ADGRG1: variants seen among roughly 807,000 people sequenced by gnomAD.
ADGRG1 encodes adhesion G protein-coupled receptor G1.
ADGRG1 carries 53 observed loss-of-function variants against 73.5 expected under a neutral mutation model. That is an observed-to-expected ratio of 0.72 (90% CI 0.58 to 0.91). The LOEUF is 0.91. Among genes scored for constraint, ADGRG1 ranks in the 40% least tolerant of loss-of-function variants. ADGRG1 has a pLI of 0.00. For missense variants in ADGRG1, 795 were observed against 871.8 expected (o/e 0.91, Z 1.11); for synonymous variants, 394 against 374.4 (o/e 1.05, Z -0.60).
chr16:57,640,834 G>C, intron 1 of ADGRG1: 1 of 956,964 alleles, frequency 1.0e-6, no homozygotes, highest in African/African-American at 1.8e-5. Context: ...AGTGTCCTGC[G>C]CTCCAAAGAT....
Position 57,653,288 on chromosome 16 carries a change from G to A in ADGRG1, c.573G>A (p.Lys191=). 1 of 1,612,710 alleles carries A rather than the reference G, an allele frequency of 6.2e-7. No individual in the cohort carries two copies. Among genetic ancestry groups the A allele is most frequent in the Admixed American group, 1.7e-5 (1 of 60,012 alleles). ...RDLQLLSQFL[K]HPQKASRRPS... ...TCCAGCTGCTCAGCCAGTTCCTGAA[G>A]CATCCCCAGAAGGCCTCAAGGAGGC... The change falls in exon 4 of 14, where the codon AAG becomes AAA. Residue 191 remains lysine, a synonymous_variant. Coordinates refer to ENST00000562631, the MANE Select transcript of ADGRG1 (RefSeq NM_201525.4).
intron 2 of ADGRG1, among the ~76,000 whole-genome samples, chr16:57,622,351 G>T (rs754078008): frequency 9.2e-5 from 14 of 152,118 alleles, no homozygotes; most frequent in Non-Finnish European, 4.4e-5. Context: ...GGAGTGATGG[G>T]CAGTTTTGAG....
In ADGRG1 at chr16:57,651,630, A is replaced by G. The variant is rs2148248369; in HGVS notation, c.487+8A>G. 6.2e-7 allele frequency: 1 copy of G among 1,612,982 alleles called. No homozygotes were observed. The highest frequency in any genetic ancestry group is 1.7e-4 in the Middle Eastern group (1 of 6,052). ...TCACCTTCTCCTTCCACAGTAAGGC[A>G]ACTTCCAGGCGGAGGGAACAACTGG... is the stretch of plus-strand genomic sequence containing the variant. On this transcript the variant is annotated splice_region_variant and intron_variant, in intron 3 of 13. Transcript: ENST00000562631.
Position 57,641,398 on chromosome 16 carries a change from G to T in ADGRG1, c.-35-8855G>T, listed in dbSNP as rs16958532. ...CTTGGCCATGAACCTCTACGTGGCTGCAGACCACCCCAGGAGCATAAGCTG... is the reference window on the plus strand; with the variant it reads ...CTTGGCCATGAACCTCTACGTGGCTTCAGACCACCCCAGGAGCATAAGCTG... On this transcript the variant is annotated intron_variant, in intron 1 of 13. Coordinates refer to ENST00000562631, the MANE Select transcript of ADGRG1 (RefSeq NM_201525.4). 1,945 of 977,494 alleles carry T rather than the reference G, an allele frequency of 2.0e-3. 30 individuals are homozygous for T. In the African/African-American group the frequency reaches 0.026, roughly 13 times the overall value. 60.6% of individuals were successfully genotyped at this position (977,494 alleles called of 1,614,324 possible).
Position 57,663,500 on chromosome 16 carries a change from G to T in ADGRG1, c.1982G>T (p.Gly661Val). Residue 661 changes from glycine (G) to valine (V), a missense_variant, in exon 14 of 14, where the codon GGT becomes GTT. Coordinates refer to ENST00000562631, the MANE Select transcript of ADGRG1 (RefSeq NM_201525.4). ...TGGTCCATGCGGCTGCAGGCCCGGG[G>T]TGGCCCCTCCCCTCTGAAGAGCAAC... ...WYWSMRLQAR[G>V]GPSPLKSNSD... The T allele has an allele frequency of 6.2e-7, 1 of 1,613,982 alleles. No individual in the cohort carries two copies. The highest frequency in any genetic ancestry group is 1.7e-5 in the Admixed American group (1 of 60,028).
At chr16:57,623,282 G>C (rs561455916), upstream of ADGRG1, 1 of 971,682 alleles carries the variant, frequency 1.0e-6, no homozygotes, top group African/African-American at 1.8e-5. Flanking sequence ...AGGTGTGGAC[G>C]CAGGAGCCCG....
intron 3 of ADGRG1, chr16:57,652,958 C>T: frequency 7.2e-7 from 1 of 1,388,424 alleles, no homozygotes; most frequent in African/African-American, 1.5e-5. Flanking sequence ...CTGAGCAAGG[C>T]ACATCCCACC....
At chr16:57,632,660 TGAG>T (rs1484494690) in intron 1 of ADGRG1, 2 of 449,716 alleles carry the variant, frequency 4.4e-6, no homozygotes, top group Non-Finnish European at 5.9e-6. Flanking sequence ...CGTGCTTTGG[TGAG>T]GAGGCCAGTG....
chr16:57,644,266 G>A lies in ADGRG1; in HGVS notation c.-35-5987G>A, dbSNP rs540608012. On this transcript the variant is annotated intron_variant, in intron 1 of 13. Coordinates refer to ENST00000562631, the MANE Select transcript of ADGRG1 (RefSeq NM_201525.4). ...TGCACACACATGCACAGTCATGCACGGGCACACACACTCATCACACACTCA... is the reference window on the plus strand; with the variant it reads ...TGCACACACATGCACAGTCATGCACAGGCACACACACTCATCACACACTCA... The A allele has an allele frequency of 4.0e-5, 34 of 846,496 alleles. No homozygotes were observed. In the East Asian group the frequency reaches 2.3e-3, roughly 56 times the overall value. 52.4% of individuals were successfully genotyped at this position (846,496 alleles called of 1,614,324 possible). A position where few individuals can be genotyped will look rare whatever the true frequency, so the allele number is the denominator to read the frequency against.
upstream of ADGRG1, chr16:57,623,240 G>A: frequency 1.1e-5 from 11 of 985,242 alleles, no homozygotes; most frequent in Non-Finnish European, 1.3e-5. Flanking sequence ...AACCTTCCGG[G>A]GGTGGGGTGG....
rs558813372 is a variant in ADGRG1, at chr16:57,633,272, G to A, written c.-36+4470G>A. ...AAGAGGTTCTCCCTAAACCTCAGCT[G>A]GAGGTTTAATCTTCCAGGTCATGGG... is the stretch of plus-strand genomic sequence containing the variant. On this transcript the variant is annotated intron_variant, in intron 1 of 13. Transcript: ENST00000562631. The A allele has an allele frequency of 2.5e-4, 242 of 960,156 alleles. 1 individual carries two copies. The highest frequency in any genetic ancestry group is 6.9e-4 in the East Asian group (6 of 8,650). 59.5% of individuals were successfully genotyped at this position (960,156 alleles called of 1,614,324 possible). A position where few individuals can be genotyped will look rare whatever the true frequency, so the allele number is the denominator to read the frequency against.
intron 1 of ADGRG1, chr16:57,631,170 C>T (rs1208760433): frequency 1.4e-5 from 14 of 986,054 alleles, no homozygotes; most frequent in East Asian, 1.1e-4. Context: ...GGGGAGGTGG[C>T]GCCCAGTCGA....
intron 2 of ADGRG1, chr16:57,621,631 G>T (rs577291935): frequency 6.6e-6 from 1 of 152,338 alleles, no homozygotes; most frequent in Non-Finnish European, 1.5e-5. Flanking sequence ...GCACACTGCT[G>T]TGCCACCTTG....
intron 1 of ADGRG1, chr16:57,646,122 G>A (rs531635705): frequency 7.1e-4 from 108 of 152,636 alleles, no homozygotes; most frequent in Middle Eastern, 3.4e-3. Context: ...GCGCCTGCCC[G>A]GGAAGGGTTA....
In ADGRG1 at chr16:57,656,557, C is replaced by G. The variant is rs1370976100; in HGVS notation, c.1107C>G (p.Val369=). ...GHWSSAGCET[V]RRETQTSCFC... Reference sequence around the variant, plus strand: ...GGAGCAGTGCTGGGTGTGAGACCGTCAGGAGAGAAACCCAAACATCCTGCT... The same window carrying G: ...GGAGCAGTGCTGGGTGTGAGACCGTGAGGAGAGAAACCCAAACATCCTGCT... The change falls in exon 9 of 14, where the codon GTC becomes GTG. Residue 369 remains valine, a synonymous_variant. Transcript: ENST00000562631. The G allele has an allele frequency of 2.5e-6, 4 of 1,613,936 alleles. No individual in the cohort carries two copies. The Admixed American group carries it at 6.7e-5, about 27-fold the overall frequency.
At chr16:57,635,374 C>G (rs368069633) in intron 1 of ADGRG1, 1 of 985,404 alleles carries the variant, frequency 1.0e-6, no homozygotes. Context: ...TCCTCCAGCT[C>G]CTCTCCTGCC....
At chr16:57,635,246 C>A (rs959490120) in intron 1 of ADGRG1, 1 of 985,224 alleles carries the variant, frequency 1.0e-6, no homozygotes, top group Non-Finnish European at 1.2e-6. Context: ...TGGAAGAAAC[C>A]CTCGTGCACA....
upstream of ADGRG1, among the ~76,000 whole-genome samples, chr16:57,627,498 G>T (rs2036072472): frequency 6.6e-6 from 1 of 152,232 alleles, no homozygotes; most frequent in Admixed American, 6.5e-5. Context: ...TCTGCCTTAA[G>T]CTCCCTCTTC....
rs773006649 is a variant in ADGRG1 at position 57,653,340 on chromosome 16, G to A, written c.620+5G>A. On this transcript the variant is annotated splice_donor_5th_base_variant and intron_variant, in intron 4 of 13. Coordinates refer to ENST00000562631, the MANE Select transcript of ADGRG1 (RefSeq NM_201525.4). ...CTCGGCTGCCCCCGCCAGCCAGTAA[G>A]TTTGGCACCTGGGGCTGTGAGGGGA... 1.2e-6 allele frequency: 2 copies of A among 1,608,104 alleles called. No individual in the cohort carries two copies. The highest frequency in any genetic ancestry group is 2.2e-5 in the South Asian group (2 of 91,076).
Sources: gnomAD v4.1 joint callset for allele counts (sites outside exome capture counted in the v4.1 genomes callset) on GRCh38, gnomAD v4.1.1 for gene constraint, MANE v1.5 for transcripts, NCBI Gene and HGNC (gene_info 2026-07-23, HGNC 2026-07-21) for gene names.